Variants in ZNF846 observed in about 807,000 individuals in gnomAD.
ZNF846 encodes the protein zinc finger protein 420 pseudogene.
In ZNF846, 15 loss-of-function variants were observed where a neutral mutation model predicts 16.0. The ratio of observed to expected loss-of-function variants is 0.94; its 90% CI spans 0.63 to 1.45. The LOEUF (loss-of-function observed/expected upper bound fraction) is 1.45. ZNF846 is among the 40% of genes most tolerant of loss of function. The probability of loss-of-function intolerance (pLI) is 0.00; values close to 1 mark genes in which losing one functional copy is unlikely to be tolerated. For synonymous variants in ZNF846, 229 were observed against 212.0 expected (o/e 1.08, Z -0.70); for missense variants, 714 against 622.3 (o/e 1.15, Z -1.57).
At chr19:9,750,403 C>A (rs927642950), downstream of ZNF846, among the ~76,000 whole-genome samples, 1 of 152,154 alleles carries the variant, frequency 6.6e-6, no homozygotes, top group Non-Finnish European at 1.5e-5. Flanking sequence ...CCCATTACAA[C>A]CTCTAATGGC....
chr19:9,759,124 A>T (rs1000653670), intron 5 of ZNF846, among the ~76,000 whole-genome samples: 3 of 151,784 alleles, frequency 2.0e-5, no homozygotes, highest in African/African-American at 7.3e-5. Context: ...CAGCCTCCCA[A>T]GTAGCTAGGA....
downstream of ZNF846, among the ~76,000 whole-genome samples, chr19:9,754,121 C>G (rs929276868): frequency 6.6e-6 from 1 of 151,406 alleles, no homozygotes; most frequent in African/African-American, 2.4e-5. Context: ...TCAGTATATA[C>G]TCTCATTCAC....
chr19:9,754,904 T>C (rs1485530622), downstream of ZNF846, among the ~76,000 whole-genome samples: 1 of 151,174 alleles, frequency 6.6e-6, no homozygotes, highest in African/African-American at 2.5e-5. Context: ...TCACTCTTGT[T>C]GCCCAGGCTG....
At chr19:9,753,827 TG>T (rs1175542833), downstream of ZNF846, among the ~76,000 whole-genome samples, 2 of 151,768 alleles carry the variant, frequency 1.3e-5, no homozygotes, top group African/African-American at 2.4e-5. Flanking sequence ...GCCTAACACA[TG>T]GTTTCTCCTG....
At chr19:9,769,320 G>C (rs1042640598), upstream of ZNF846, among the ~76,000 whole-genome samples, 16 of 151,840 alleles carry the variant, frequency 1.1e-4, no homozygotes, top group Non-Finnish European at 2.2e-4. Flanking sequence ...GAGCCTAAAG[G>C]ATCCTCCCCC....
chr19:9,775,074 C>A, intron 1 of ZNF846: 1 of 896,732 alleles, frequency 1.1e-6, no homozygotes, highest in South Asian at 1.6e-5. Flanking sequence ...CTGACATTCA[C>A]TTGTGGCAGT....
chr19:9,776,459 T>C (rs2045444123), intron 1 of ZNF846, among the ~76,000 whole-genome samples: 3 of 152,216 alleles, frequency 2.0e-5, no homozygotes, highest in Admixed American at 6.6e-5. Flanking sequence ...TTTCTCTCTG[T>C]CTCCTCTCCC....
At chr19:9,779,208 G>C (rs902134562) in intron 1 of ZNF846, among the ~76,000 whole-genome samples, 21 of 152,200 alleles carry the variant, frequency 1.4e-4, no homozygotes, top group Admixed American at 5.2e-4. Flanking sequence ...ACCTTGAAAA[G>C]AGGTTGGTTC....
At chr19:9,770,035 G>T (rs2145280220), upstream of ZNF846, among the ~76,000 whole-genome samples, 1 of 150,924 alleles carries the variant, frequency 6.6e-6, no homozygotes, top group East Asian at 1.9e-4. Flanking sequence ...CTGTGCCTCT[G>T]ATACATTCAG....
At chr19:9,767,703 G>T (rs1013234780) in intron 1 of ZNF846, among the ~76,000 whole-genome samples, 1 of 152,084 alleles carries the variant, frequency 6.6e-6, no homozygotes, top group Non-Finnish European at 1.5e-5. Context: ...TTGGGAGTCC[G>T]AGGAGGGTGG....
At chr19:9,769,478 A>C (rs999119229), upstream of ZNF846, among the ~76,000 whole-genome samples, 5 of 151,822 alleles carry the variant, frequency 3.3e-5, no homozygotes, top group African/African-American at 1.2e-4. Context: ...TGATCCTTCC[A>C]CCTTGGCCTC....
At chr19:9,765,785 A>C (rs902963925) in intron 1 of ZNF846, among the ~76,000 whole-genome samples, 2 of 151,756 alleles carry the variant, frequency 1.3e-5, no homozygotes, top group African/African-American at 4.8e-5. Context: ...TTAATACTCT[A>C]ATTGTCCAGG....
downstream of ZNF846, among the ~76,000 whole-genome samples, chr19:9,751,070 T>G (rs2045079997): frequency 6.6e-6 from 1 of 152,176 alleles, no homozygotes; most frequent in Non-Finnish European, 1.5e-5. Context: ...TATCCTGGCT[T>G]CTTCCAATCG....
upstream of ZNF846, among the ~76,000 whole-genome samples, chr19:9,770,673 G>A (rs1055470076): frequency 1.2e-4 from 18 of 151,986 alleles, no homozygotes; most frequent in African/African-American, 4.3e-4. Flanking sequence ...TTTAAGACCA[G>A]CCTGGCCAAC....
At chr19:9,780,663 G>C (rs2045493423) in intron 1 of ZNF846, among the ~76,000 whole-genome samples, 1 of 151,882 alleles carries the variant, frequency 6.6e-6, no homozygotes. Flanking sequence ...TGGCTAGGCT[G>C]GTCTTGAACT....
chr19:9,782,924 AC>A (rs775773633), intron 1 of ZNF846, among the ~76,000 whole-genome samples: 56 of 123,068 alleles, frequency 4.6e-4, no homozygotes, highest in Non-Finnish European at 6.6e-4. Context: ...TCTCCCTGTA[AC>A]TTTTTTTTTT....
At position 9,758,578 on chromosome 19, in the gene ZNF846, C is replaced by T. The variant is rs1455990652; in HGVS notation, c.499G>A (p.Gly167Arg). ...TGTTTAACACACTTAGGCATTTTCC[C>T]CTCAGCATGACTTTTCTTGTAAAAA... Residue 167 changes from glycine (G) to arginine (R), a missense_variant, in exon 6 of 6, where the codon GGG becomes AGG. Transcript: ENST00000397902. 2.5e-6 allele frequency: 4 copies of T among 1,612,454 alleles called. No individual in the cohort carries two copies. Among genetic ancestry groups the T allele is most frequent in the South Asian group, 1.1e-5 (1 of 90,984 alleles).
chr19:9,784,547 G>C (rs538842585), intron 1 of ZNF846, among the ~76,000 whole-genome samples: 13 of 152,320 alleles, frequency 8.5e-5, no homozygotes, highest in African/African-American at 2.9e-4. Flanking sequence ...GCAGGAGACA[G>C]ATGCTTTCCT....
At chr19:9,758,138 C>A in exon 6 of ZNF846, 1 of 1,613,424 alleles carries the variant, frequency 6.2e-7, no homozygotes, top group Non-Finnish European at 8.5e-7. Context: ...TTCCACATTC[C>A]ATACATACAT....
Sources: gnomAD v4.1 joint callset for allele counts (sites outside exome capture counted in the v4.1 genomes callset) on GRCh38, gnomAD v4.1.1 for gene constraint, MANE v1.5 for transcripts, NCBI Gene and HGNC (gene_info 2026-07-23, HGNC 2026-07-21) for gene names.